Variants in MKLN1 observed in about 807,000 individuals in gnomAD.
The protein encoded by MKLN1 is muskelin 1.
A neutral mutation model predicts 99.0 loss-of-function variants in MKLN1; 18 were observed. That is an observed-to-expected ratio of 0.18 (90% confidence interval 0.13 to 0.27). The LOEUF (loss-of-function observed/expected upper bound fraction) is 0.27. Among genes scored for constraint, MKLN1 ranks in the 10% least tolerant of loss-of-function variants. MKLN1 has a pLI of 1.00. For synonymous variants in MKLN1, 288 were observed against 293.2 expected (o/e 0.98, Z 0.18); for missense variants, 621 against 875.9 (o/e 0.71, Z 3.67).
chr7:131,227,528 T>TCTTTCTTTCTTC (rs1455155483), intron 3 of MKLN1, among the ~76,000 whole-genome samples: 1 of 149,686 alleles, frequency 6.7e-6, no homozygotes, highest in Non-Finnish European at 1.5e-5. Flanking sequence ...TTTCTTTCTT[T>TCTTTCTTTCTTC]CTTTCTTTCT....
At chr7:131,133,899 G>A (rs1795607056) in intron 1 of MKLN1, among the ~76,000 whole-genome samples, 1 of 130,908 alleles carries the variant, frequency 7.6e-6, no homozygotes, top group African/African-American at 2.9e-5. Context: ...GTGCAATCTC[G>A]GCTCACTGCA....
chr7:131,204,387 G>T (rs1185709934), intron 3 of MKLN1, among the ~76,000 whole-genome samples: 3 of 152,122 alleles, frequency 2.0e-5, no homozygotes, highest in Non-Finnish European at 2.9e-5. Flanking sequence ...GGAATAGCTT[G>T]CCAAATTTCA....
At chr7:131,445,753 T>C (rs1244315638) in intron 11 of MKLN1, 21 bp from the exon 12 acceptor site, 7 of 1,581,024 alleles carry the variant, frequency 4.4e-6, no homozygotes, top group Non-Finnish European at 6.0e-6. Context: ...CTCCTTTCTT[T>C]TTTTTTTTCT....
chr7:131,264,060 CA>C (rs377625779), intron 3 of MKLN1, among the ~76,000 whole-genome samples: 4 of 152,056 alleles, frequency 2.6e-5, no homozygotes, highest in Admixed American at 2.6e-4. Flanking sequence ...TCCATCAGGG[CA>C]AAAATTTCTG....
chr7:131,223,836 G>A (rs1350095432), intron 3 of MKLN1, among the ~76,000 whole-genome samples: 1 of 151,822 alleles, frequency 6.6e-6, no homozygotes, highest in African/African-American at 2.4e-5. Context: ...GTGCGATCTC[G>A]GCTTACTCCA....
rs202047104 is a variant in MKLN1, at chr7:131,478,594, T to G, written c.2032-29T>G. ...GCACTTAGCCAGCTAATTTGCTGCT[T>G]CTTTTTTTTTTTTTTTTTTTTTAAA... is the stretch of plus-strand genomic sequence containing the variant. On this transcript the variant is annotated intron_variant, in intron 16 of 17. Transcript: ENST00000352689. The G allele has an allele frequency of 4.3e-4, 618 of 1,430,424 alleles. 1 individual carries two copies. Among genetic ancestry groups the G allele is most frequent in the Middle Eastern group, 1.5e-3 (8 of 5,200 alleles). The allele number at this position is 1,430,424 out of a possible 1,614,324, so 88.6% of individuals were successfully genotyped here.
At chr7:131,283,129 A>G (rs1399650630) in intron 3 of MKLN1, among the ~76,000 whole-genome samples, 1 of 152,218 alleles carries the variant, frequency 6.6e-6, no homozygotes, top group African/African-American at 2.4e-5. Context: ...ATGGCTCATT[A>G]TACAGATCAA....
chr7:131,411,107 T>C (rs1794860178), intron 6 of MKLN1, among the ~76,000 whole-genome samples, 199 bp from the exon 7 acceptor site: 1 of 152,242 alleles, frequency 6.6e-6, no homozygotes, highest in South Asian at 2.1e-4. Context: ...CATGGTTGTG[T>C]CAATTAATAT....
At chr7:131,346,520 CA>C (rs57016059) in intron 1 of MKLN1, among the ~76,000 whole-genome samples, 107,829 of 137,874 alleles carry the variant, frequency 0.78, 41,168 homozygotes, top group Admixed American at 0.82. Flanking sequence ...GACTCAGTCT[CA>C]AAAAAAAAAA....
chr7:131,248,679 G>A (rs563885495), intron 3 of MKLN1, among the ~76,000 whole-genome samples: 6 of 151,992 alleles, frequency 3.9e-5, no homozygotes, highest in African/African-American at 9.7e-5. Context: ...TTCTCATCTC[G>A]TCCAGGTTCA....
At chr7:131,324,884 T>A (rs1368888088), upstream of MKLN1, among the ~76,000 whole-genome samples, 6 of 152,222 alleles carry the variant, frequency 3.9e-5, no homozygotes, top group Non-Finnish European at 7.3e-5. Flanking sequence ...CGTCTTGGTA[T>A]CATAATATAG....
chr7:131,350,226 CTT>C (rs757358062), intron 1 of MKLN1, among the ~76,000 whole-genome samples: 3 of 140,234 alleles, frequency 2.1e-5, no homozygotes. Context: ...TATTTAAAAT[CTT>C]TTTTTTTTTT....
chr7:131,158,389 A>T (rs1169894167), intron 2 of MKLN1, among the ~76,000 whole-genome samples: 16 of 152,180 alleles, frequency 1.1e-4, no homozygotes, highest in Admixed American at 1.0e-3. Context: ...AGCTGAGGTC[A>T]CGCCATTGCA....
At chr7:131,193,543 GTT>G (rs1242752298) in intron 2 of MKLN1, among the ~76,000 whole-genome samples, 2 of 151,836 alleles carry the variant, frequency 1.3e-5, no homozygotes, top group Non-Finnish European at 2.9e-5. Flanking sequence ...AGTTGTGTTT[GTT>G]TGTTTATTTT....
intron 1 of MKLN1, among the ~76,000 whole-genome samples, chr7:131,348,142 T>C (rs559203638): frequency 6.6e-6 from 1 of 152,304 alleles, no homozygotes; most frequent in Admixed American, 6.5e-5. Flanking sequence ...AGAAAAGCAC[T>C]CCAAAGTTGT....
At chr7:131,306,871 A>G (rs994348330) in intron 3 of MKLN1, among the ~76,000 whole-genome samples, 9 of 152,226 alleles carry the variant, frequency 5.9e-5, no homozygotes, top group Non-Finnish European at 1.2e-4. Flanking sequence ...CCAAATGTTA[A>G]TTGCCAAGAC....
chr7:131,218,267 C>T (rs530850167), intron 3 of MKLN1, among the ~76,000 whole-genome samples: 112 of 152,266 alleles, frequency 7.4e-4, no homozygotes, highest in South Asian at 2.9e-3. Context: ...TGTTACCATT[C>T]GCTACATGAC....
intron 2 of MKLN1, among the ~76,000 whole-genome samples, chr7:131,184,411 G>C (rs1233182109): frequency 6.6e-6 from 1 of 152,082 alleles, no homozygotes; most frequent in East Asian, 1.9e-4. Flanking sequence ...CCTGTCCTTA[G>C]AAACAGCTGC....
chr7:131,246,878 T>A (rs1277559668), intron 3 of MKLN1, among the ~76,000 whole-genome samples: 1 of 152,184 alleles, frequency 6.6e-6, no homozygotes, highest in Non-Finnish European at 1.5e-5. Flanking sequence ...TTGCTTCTTG[T>A]GATGTGGTTT....
Sources: gnomAD v4.1 joint callset for allele counts (sites outside exome capture counted in the v4.1 genomes callset) on GRCh38, gnomAD v4.1.1 for gene constraint, MANE v1.5 for transcripts, NCBI Gene and HGNC (gene_info 2026-07-23, HGNC 2026-07-21) for gene names.